The following DNAI2 variants were observed in gnomAD, a reference collection of about 807,000 sequenced individuals.
DNAI2 encodes the protein dynein axonemal intermediate chain 2, also known as dynein, axonemal, intermediate polypeptide 2.
In DNAI2, 63 loss-of-function variants were observed where a neutral mutation model predicts 74.7. The observed-to-expected ratio is 0.84, with a 90% CI of 0.69 to 1.04. DNAI2 has a LOEUF of 1.04. DNAI2 is among the 50% of genes least tolerant of loss of function. The pLI, the probability that DNAI2 is intolerant of heterozygous loss-of-function variation, is 0.00. For missense variants in DNAI2, 688 were observed against 803.2 expected, an observed-to-expected ratio of 0.86 and a Z score of 1.73; for synonymous variants, 289 against 314.9, an observed-to-expected ratio of 0.92 and a Z score of 0.87.
chr17:74,296,350 A>G (rs2052438750), intron 6 of DNAI2, among the ~76,000 whole-genome samples: 1 of 106,142 alleles, frequency 9.4e-6, no homozygotes, highest in Non-Finnish European at 2.3e-5. Context: ...GAGAGAGGAG[A>G]GAGAGAGGAA....
intron 11 of DNAI2, among the ~76,000 whole-genome samples, chr17:74,311,478 C>T (rs533885803): frequency 2.0e-5 from 3 of 152,156 alleles, no homozygotes; most frequent in East Asian, 1.9e-4. Context: ...CCAGGCATGG[C>T]GTCACATGCC....
intron 6 of DNAI2, among the ~76,000 whole-genome samples, chr17:74,297,673 A>C (rs1461456596): frequency 6.6e-6 from 1 of 150,848 alleles, no homozygotes; most frequent in African/African-American, 2.4e-5. Context: ...TGAGCCACCA[A>C]GCCCAGCCCA....
chr17:74,309,975 C>G lies in DNAI2; in HGVS notation c.1348-42C>G, dbSNP rs766992890. 4.7e-6 allele frequency: 7 copies of G among 1,496,898 alleles called. 1 individual carries two copies. The South Asian group carries it at 8.1e-5, about 17-fold the overall frequency. The allele number at this position is 1,496,898 out of a possible 1,614,324, so 92.7% of individuals were successfully genotyped here. On this transcript the variant is annotated intron_variant, in intron 10 of 13. Coordinates refer to ENST00000311014, the MANE Select transcript of DNAI2 (RefSeq NM_023036.6). ...AGTTAATCAGACACACATAACTTTG[C>G]TCCTCTCTCCTCTACCTGGGTCTGC...
intron 6 of DNAI2, among the ~76,000 whole-genome samples, chr17:74,291,895 G>A (rs564618273): frequency 7.4e-5 from 11 of 149,620 alleles, no homozygotes; most frequent in African/African-American, 2.2e-4. Context: ...ATGGAGTCTC[G>A]CTCTGTCGCC....
At chr17:74,313,941 A>T in intron 12 of DNAI2, 180 bp from the exon 13 acceptor site, 1 of 879,980 alleles carries the variant, frequency 1.1e-6, no homozygotes. Flanking sequence ...AGCTCTGCCC[A>T]CTTTCCGCAC....
chr17:74,296,057 C>T (rs2052402651), intron 6 of DNAI2, among the ~76,000 whole-genome samples: 2 of 152,100 alleles, frequency 1.3e-5, no homozygotes, highest in African/African-American at 2.4e-5. Context: ...CAGCTCTGGG[C>T]GTGCACACAG....
intron 10 of DNAI2, 112 bp from the exon 11 acceptor site, chr17:74,309,905 G>A (rs1214421529): frequency 4.9e-6 from 7 of 1,416,974 alleles, no homozygotes; most frequent in Non-Finnish European, 7.0e-6. Context: ...GAGGCGTCCT[G>A]AGGATGTTTG....
Position 74,287,076 on chromosome 17 carries a change from G to C in DNAI2, c.445G>C (p.Ala149Pro). The change falls in exon 4 of 14, where the codon GCT becomes CCT. Residue 149 changes from alanine (A) to proline (P), a missense_variant. Ala to Pro is a conservative substitution (Grantham distance 27). Transcript: ENST00000311014. ...GGAAGTGATGGAGGAGGACCCTTCA[G>C]CTAAAACCATCAATGTGTTCAGGTA... ...AMEVMEEDPS[A>P]KTINVFRDPQ... 1.2e-6 allele frequency: 2 copies of C among 1,613,926 alleles called. No homozygotes were observed. Among genetic ancestry groups the C allele is most frequent in the Admixed American group, 1.7e-5 (1 of 60,008 alleles).
At chr17:74,287,325 G>A (rs1032491713) in intron 4 of DNAI2, among the ~76,000 whole-genome samples, 1 of 152,204 alleles carries the variant, frequency 6.6e-6, no homozygotes, top group Non-Finnish European at 1.5e-5. Context: ...AAGTGAAATT[G>A]CCCAGCTGCG....
chr17:74,306,230 G>A (rs1385735246), intron 9 of DNAI2, among the ~76,000 whole-genome samples: 2 of 152,214 alleles, frequency 1.3e-5, no homozygotes, highest in South Asian at 2.1e-4. Context: ...AACAGACAGG[G>A]AGCTTGAGAC....
In DNAI2 at chr17:74,281,794, CT is replaced by C; in HGVS notation, c.-11-12del. 1 of 1,612,844 alleles carries C rather than the reference CT, an allele frequency of 6.2e-7. No individual in the cohort carries two copies. ...TGGGGTCCCTCACCCCACACCCTCC[CT>C]CTGCCCCCCAGCAGCCGGCACCATG... On this transcript the variant is annotated splice_polypyrimidine_tract_variant and intron_variant, in intron 1 of 13. Transcript: ENST00000311014.
chr17:74,309,861 C>A, intron 10 of DNAI2, 156 bp from the exon 11 acceptor site: 1 of 950,708 alleles, frequency 1.1e-6, no homozygotes, highest in Non-Finnish European at 1.6e-6. Context: ...GCCTTGACAA[C>A]CAGTCTCCGA....
chr17:74,289,759 TG>T (rs781517527), intron 5 of DNAI2, 23 bp downstream of exon 5: 8 of 1,613,246 alleles, frequency 5.0e-6, no homozygotes, highest in Non-Finnish European at 6.8e-6. Context: ...GGGGTCCTGG[TG>T]GCCTGGGAGG....
At chr17:74,302,459 C>T (rs372422186) in intron 8 of DNAI2, among the ~76,000 whole-genome samples, 19 of 152,060 alleles carry the variant, frequency 1.2e-4, no homozygotes, top group African/African-American at 4.3e-4. Flanking sequence ...CCCAGCTACT[C>T]GGGAGGCTGA....
intron 10 of DNAI2, chr17:74,309,608 A>C: frequency 1.4e-6 from 1 of 729,402 alleles, no homozygotes; most frequent in Non-Finnish European, 2.4e-6. Flanking sequence ...TGGTAGCACA[A>C]CAGAACCACC....
At chr17:74,278,097 G>C (rs2143846136) in intron 1 of DNAI2, among the ~76,000 whole-genome samples, 3 of 152,296 alleles carry the variant, frequency 2.0e-5, no homozygotes, top group Admixed American at 2.0e-4. Flanking sequence ...CTGAAGAACT[G>C]TGACCTTTGG....
chr17:74,313,908 A>G, intron 12 of DNAI2: 1 of 649,590 alleles, frequency 1.5e-6, no homozygotes, highest in Non-Finnish European at 2.6e-6. Context: ...CCAGGCGTGA[A>G]CCCAAGTCTG....
At chr17:74,277,931 G>GA (rs1315975003) in intron 1 of DNAI2, among the ~76,000 whole-genome samples, 3 of 152,100 alleles carry the variant, frequency 2.0e-5, no homozygotes, top group South Asian at 2.1e-4. Context: ...GAGAATTAAA[G>GA]AAAAAAAGCA....
At chr17:74,301,949 AGG>A (rs1282533638) in intron 8 of DNAI2, among the ~76,000 whole-genome samples, 3 of 29,354 alleles carry the variant, frequency 1.0e-4, no homozygotes, top group Non-Finnish European at 2.5e-4. Flanking sequence ...GAAGGAAGGA[AGG>A]AAGGAAGGAA....
Sources: gnomAD v4.1 joint callset for allele counts (sites outside exome capture counted in the v4.1 genomes callset) on GRCh38, gnomAD v4.1.1 for gene constraint, MANE v1.5 for transcripts, NCBI Gene and HGNC (gene_info 2026-07-23, HGNC 2026-07-21) for gene names.